THRA: variants seen among roughly 807,000 people sequenced by gnomAD.
THRA encodes thyroid hormone receptor alpha.
In THRA, 13 loss-of-function variants were observed where a neutral mutation model predicts 45.0. The ratio of observed to expected loss-of-function variants is 0.29; its 90% CI spans 0.19 to 0.46. THRA has a LOEUF of 0.46. Among genes scored for constraint, THRA ranks in the 20% least tolerant of loss-of-function variants. The pLI is 1.00. For missense variants in THRA, 278 were observed against 556.1 expected (o/e 0.50, Z 5.03); for synonymous variants, 195 against 214.0 (o/e 0.91, Z 0.78).
chr17:40,093,567 GC>G, downstream of THRA: 1 of 961,698 alleles, frequency 1.0e-6, no homozygotes, highest in Non-Finnish European at 1.5e-6. This position sits in a 1 kb window ranked among gnomAD's most constrained non-coding sequence, Gnocchi z 5.9. Context: ...CTTGCTTTTT[GC>G]TGTGTAGTTC....
chr17:40,092,155 T>C lies in THRA; in HGVS notation c.*2699T>C. 6.6e-6 allele frequency: 1 copy of C among 151,562 alleles called. No individual in the cohort carries two copies. 9.4% of individuals were successfully genotyped at this position (151,562 alleles called of 1,614,324 possible). A position where few individuals can be genotyped will look rare whatever the true frequency, so the allele number is the denominator to read the frequency against. ...CCCCTCCCATCACTCATAACACACA[T>C]ACCTCATCCAGCCTCCTCCCTGCTC... On this transcript the variant is annotated 3_prime_UTR_variant, in exon 9 of 9. Transcript: ENST00000450525.
chr17:40,069,512 C>T (rs1000380738), intron 1 of THRA, among the ~76,000 whole-genome samples: 1 of 151,988 alleles, frequency 6.6e-6, no homozygotes, highest in Admixed American at 6.5e-5. Flanking sequence ...GTGCCATCTG[C>T]AGCAAGTGCC....
rs141261439 is a variant in THRA, at chr17:40,088,263, A to G, written c.745A>G (p.Ile249Val). 3 of 1,597,672 alleles carry G rather than the reference A, an allele frequency of 1.9e-6. No individual in the cohort carries two copies. Among genetic ancestry groups the G allele is most frequent in the African/African-American group, 1.3e-5 (1 of 74,688 alleles). Residue 249 changes from isoleucine to valine, a missense_variant, in exon 8 of 9, where the codon ATC becomes GTC. Ile to Val is a conservative substitution (Grantham distance 29). Transcript: ENST00000450525. ...ACAGCTGCCTTGCGAAGACCAGATC[A>G]TCCTCCTGAAGGGGTGCTGCATGGA... ...FSELPCEDQI[I>V]LLKGCCMEIM... is the part of the protein sequence containing the mutation.
chr17:40,092,474 C>T lies in THRA; in HGVS notation c.*3018C>T, dbSNP rs1448991857. On this transcript the variant is annotated 3_prime_UTR_variant, in exon 9 of 9. Coordinates refer to ENST00000450525, the MANE Select transcript of THRA (RefSeq NM_199334.5). ...GCAGGGGTGACTTGAGGGGCTCCTA[C>T]TCCTGCCCCACGTTGACAATCAGTA... The T allele has an allele frequency of 6.5e-6, 1 of 153,218 alleles. No homozygotes were observed. Among genetic ancestry groups the T allele is most frequent in the Non-Finnish European group, 1.5e-5 (1 of 68,818 alleles). The allele number at this position is 153,218 out of a possible 1,614,324, so 9.5% of individuals were successfully genotyped here.
chr17:40,083,197 G>A (rs963320703), intron 4 of THRA, among the ~76,000 whole-genome samples: 10 of 152,156 alleles, frequency 6.6e-5, no homozygotes, highest in Admixed American at 6.6e-4. Context: ...AAAGTGCTGG[G>A]ATTACAGGCA....
Position 40,074,354 on chromosome 17 carries a change from G to A in THRA, c.-135G>A. ...CATGGTGTGAAAGGCCAAGTGCTGAGGCGGGTATCATGGGTGCTGTGCCCT... is the reference window on the plus strand; with the variant it reads ...CATGGTGTGAAAGGCCAAGTGCTGAAGCGGGTATCATGGGTGCTGTGCCCT... On this transcript the variant is annotated 5_prime_UTR_variant, in exon 2 of 9. Transcript: ENST00000450525. The A allele has an allele frequency of 1.1e-6, 1 of 914,264 alleles. No individual in the cohort carries two copies. The allele number at this position is 914,264 out of a possible 1,614,324, so 56.6% of individuals were successfully genotyped here. A position where few individuals can be genotyped will look rare whatever the true frequency, so the allele number is the denominator to read the frequency against.
chr17:40,093,472 G>A, downstream of THRA: 1 of 1,487,194 alleles, frequency 6.7e-7, no homozygotes, highest in East Asian at 2.4e-5. The surrounding 1 kb of genome is among the most constrained non-coding windows in gnomAD (Gnocchi z 5.9). Context: ...CTGAAAGCTG[G>A]GAGCGTGGGC....
rs769874651 is a variant in THRA at position 40,086,748 on chromosome 17, C to T, written c.618C>T (p.Asp206=). 45 of 1,613,980 alleles carry T rather than the reference C, an allele frequency of 2.8e-5. No homozygotes were observed. The Admixed American group carries it at 2.8e-4, about 10-fold the overall frequency. The change falls in exon 7 of 9, where the codon GAC becomes GAT. Residue 206 remains aspartate (D), a synonymous_variant. Coordinates refer to ENST00000450525, the MANE Select transcript of THRA (RefSeq NM_199334.5). The part of the protein sequence containing the change: ...IGQSPIVSMP[D]GDKVDLEAFS... Reference sequence around the variant, plus strand: ...AGTCACCCATTGTCTCCATGCCGGACGGAGACAAGGTGGACCTGGAAGCCT... The same window carrying T: ...AGTCACCCATTGTCTCCATGCCGGATGGAGACAAGGTGGACCTGGAAGCCT...
intron 6 of THRA, among the ~76,000 whole-genome samples, chr17:40,085,044 T>C (rs545753266): frequency 6.6e-6 from 1 of 152,320 alleles, no homozygotes; most frequent in East Asian, 1.9e-4. Context: ...CTTGCCTTCC[T>C]CATCGAATTT....
At chr17:40,085,128 T>C (rs1987278020) in intron 6 of THRA, among the ~76,000 whole-genome samples, 2 of 152,140 alleles carry the variant, frequency 1.3e-5, no homozygotes, top group African/African-American at 4.8e-5. Flanking sequence ...GATACAGTTA[T>C]GTCACAGTAT....
In THRA at chr17:40,078,965, C is replaced by T. The variant is rs527799882; in HGVS notation, c.222+1357C>T. On this transcript the variant is annotated intron_variant, in intron 4 of 8. Coordinates refer to ENST00000450525, the MANE Select transcript of THRA (RefSeq NM_199334.5). ...CAGGATGGTCTTGATCTCTTGACCT[C>T]GTGATCCGCCCGCCTTGGCCTCCCA... Among the ~76,000 whole-genome samples, 18 of 152,122 alleles carry T rather than the reference C, an allele frequency of 1.2e-4. No homozygotes were observed. The South Asian group carries it at 2.3e-3, about 19-fold the overall frequency.
intron 1 of THRA, among the ~76,000 whole-genome samples, chr17:40,069,530 C>T (rs993593830): frequency 1.3e-5 from 2 of 152,042 alleles, no homozygotes; most frequent in Admixed American, 6.5e-5. Context: ...GCCTTGGCCC[C>T]GTGACATTCA....
At chr17:40,063,158 G>C (rs1986419934) in intron 1 of THRA, 66 bp downstream of exon 1, 1 of 152,450 alleles carries the variant, frequency 6.6e-6, no homozygotes, top group South Asian at 2.1e-4. Flanking sequence ...GCAAAGCCGC[G>C]GGGCTCCGTG....
intron 2 of THRA, among the ~76,000 whole-genome samples, chr17:40,074,788 T>C (rs909429276): frequency 4.6e-5 from 7 of 152,166 alleles, no homozygotes; most frequent in Non-Finnish European, 1.0e-4. Context: ...AAGGGGCTCT[T>C]CCCTAGACAT....
chr17:40,066,456 G>A (rs1288823246), intron 1 of THRA, among the ~76,000 whole-genome samples: 3 of 152,072 alleles, frequency 2.0e-5, no homozygotes. Context: ...CTGAGGTCAG[G>A]AGTTCAAGAC....
Position 40,089,442 on chromosome 17 carries a change from G to A in THRA, c.1219G>A (p.Asp407Asn). 1 of 1,614,104 alleles carries A rather than the reference G, an allele frequency of 6.2e-7. No homozygotes were observed. The highest frequency in any genetic ancestry group is 8.5e-7 in the Non-Finnish European group (1 of 1,180,006). Residue 407 changes from aspartate to asparagine, a missense_variant, in exon 9 of 9, where the codon GAT (aspartate) becomes AAT (asparagine). This residue lies in a region of THRA where 14 missense variants were observed against 56.3 expected (regional missense o/e 0.25). Transcript: ENST00000450525. This position sits in a 1 kb window ranked among gnomAD's most constrained non-coding sequence, Gnocchi z 6.1. ...CCCACTCTTCCTCGAGGTCTTTGAG[G>A]ATCAGGAAGTCTAAAGCCTCAGGCG... ...FPPLFLEVFE[D>N]QEV
At chr17:40,088,194 C>T (rs370467488) in intron 7 of THRA, 48 bp from the exon 8 acceptor site, 33 of 1,544,194 alleles carry the variant, frequency 2.1e-5, no homozygotes, top group African/African-American at 1.1e-4. Flanking sequence ...GACTCAAGGA[C>T]GCGGGGAGGG....
At chr17:40,093,387 C>A (rs770057073), downstream of THRA, 2 of 1,607,638 alleles carry the variant, frequency 1.2e-6, no homozygotes, top group Non-Finnish European at 1.7e-6. This position sits in a 1 kb window ranked among gnomAD's most constrained non-coding sequence, Gnocchi z 5.9. Flanking sequence ...CCCTGAAGCC[C>A]CCCAGAAGGC....
rs370986723 is a variant in THRA at position 40,070,496 on chromosome 17, G to A, written c.-297-3696G>A. 8.5e-5 allele frequency among the ~76,000 whole-genome samples: 13 copies of A among 152,312 alleles called. No homozygotes were observed. In the East Asian group the frequency reaches 1.5e-3, roughly 18 times the overall value. ...CTGCCACCACCACAGACTCCCAGGG[G>A]CCCTTGGTGTGGGTGGCTGCCTGTG... is the stretch of plus-strand genomic sequence containing the variant. On this transcript the variant is annotated intron_variant, in intron 1 of 8. Coordinates refer to ENST00000450525, the MANE Select transcript of THRA (RefSeq NM_199334.5).
Sources: gnomAD v4.1 joint callset for allele counts (sites outside exome capture counted in the v4.1 genomes callset) on GRCh38, gnomAD v4.1.1 for gene constraint, gnomAD v4.1.1 regional missense constraint, Gnocchi (gnomAD v3.1) non-coding constraint, MANE v1.5 for transcripts, NCBI Gene and HGNC (gene_info 2026-07-23, HGNC 2026-07-21) for gene names.